NRXN3: variants seen among roughly 807,000 people sequenced by gnomAD.
NRXN3 encodes neurexin III.
NRXN3 carries 32 observed loss-of-function variants against 137.6 expected under a neutral mutation model. That is an observed-to-expected ratio of 0.23 (90% CI 0.18 to 0.31). The LOEUF (loss-of-function observed/expected upper bound fraction) is 0.31. NRXN3 is among the 10% of genes least tolerant of loss of function. The pLI, the probability that NRXN3 is intolerant of heterozygous loss-of-function variation, is 1.00. For synonymous variants in NRXN3, 798 were observed against 784.5 expected, an observed-to-expected ratio of 1.02 and a Z score of -0.29; for missense variants, 1,574 against 2,062.5, an observed-to-expected ratio of 0.76 and a Z score of 4.59.
At chr14:79,641,316 A>G (rs2098432859) in intron 16 of NRXN3, among the ~76,000 whole-genome samples, 1 of 135,104 alleles carries the variant, frequency 7.4e-6, no homozygotes. Flanking sequence ...CCTCTTCTTT[A>G]CTATAGAGTA....
intron 3 of NRXN3, 42 bp from the exon 4 acceptor site, chr14:78,297,789 T>C: frequency 7.3e-7 from 1 of 1,377,714 alleles, no homozygotes; most frequent in East Asian, 2.5e-5. Context: ...TTCCTTACCC[T>C]TCCCCACTCC....
chr14:79,762,006 C>T lies in NRXN3; in HGVS notation c.4015-43106C>T, dbSNP rs528414285. ...TCACTCTTGGGTGACTATAAATTCACAAAGTCAAGAATTTGCATCCTGAAT... is the reference window on the plus strand; with the variant it reads ...TCACTCTTGGGTGACTATAAATTCATAAAGTCAAGAATTTGCATCCTGAAT... On this transcript the variant is annotated intron_variant, in intron 19 of 20. Transcript: ENST00000335750. Among the ~76,000 whole-genome samples the T allele has an allele frequency of 7.3e-5, 11 of 151,714 alleles. No homozygotes were observed. In the East Asian group the frequency reaches 1.9e-3, roughly 27 times the overall value.
intron 4 of NRXN3, among the ~76,000 whole-genome samples, chr14:78,638,178 A>G (rs1307015612): frequency 6.6e-6 from 1 of 152,194 alleles, no homozygotes; most frequent in Non-Finnish European, 1.5e-5. Flanking sequence ...GCAGTGTGGA[A>G]AAGTCTATTT....
intron 7 of NRXN3, among the ~76,000 whole-genome samples, chr14:78,710,344 T>C (rs8016454): frequency 0.22 from 30,897 of 138,510 alleles, 4,068 homozygotes; most frequent in African/African-American, 0.4. Context: ...AGGCAGTACA[T>C]AGCTACTATG....
intron 16 of NRXN3, among the ~76,000 whole-genome samples, chr14:79,528,643 C>G (rs913260865): frequency 7.4e-6 from 1 of 135,726 alleles, no homozygotes; most frequent in African/African-American, 2.7e-5. Flanking sequence ...ACATTATGTT[C>G]TAAAATGTGT....
chr14:79,794,343 G>A (rs945472326), intron 19 of NRXN3, among the ~76,000 whole-genome samples: 2 of 151,924 alleles, frequency 1.3e-5, no homozygotes, highest in East Asian at 1.9e-4. Context: ...CAGCCTGGGC[G>A]ACAGAGTGAG....
At chr14:79,693,727 T>C (rs550069781) in intron 18 of NRXN3, among the ~76,000 whole-genome samples, 1 of 151,904 alleles carries the variant, frequency 6.6e-6, no homozygotes, top group East Asian at 1.9e-4. Context: ...TTGTTACCCG[T>C]TGGCTTTCAC....
At chr14:79,319,275 G>C (rs2089528400) in intron 15 of NRXN3, among the ~76,000 whole-genome samples, 1 of 152,146 alleles carries the variant, frequency 6.6e-6, no homozygotes. Context: ...AATTCTGACT[G>C]ATCATTTCTT....
At chr14:79,563,184 T>A (rs1421502992) in intron 16 of NRXN3, among the ~76,000 whole-genome samples, 4 of 152,190 alleles carry the variant, frequency 2.6e-5, no homozygotes, top group South Asian at 4.1e-4. Flanking sequence ...TAAATTCTTA[T>A]CCATAGAGAA....
intron 20 of NRXN3, among the ~76,000 whole-genome samples, chr14:79,842,021 A>G (rs2099356881): frequency 6.6e-6 from 1 of 152,256 alleles, no homozygotes; most frequent in Non-Finnish European, 1.5e-5. Flanking sequence ...ATTAGGAACT[A>G]TAGAGGACTG....
chr14:79,345,710 GT>G (rs751735278), intron 15 of NRXN3, among the ~76,000 whole-genome samples: 58 of 152,180 alleles, frequency 3.8e-4, no homozygotes, highest in Non-Finnish European at 6.8e-4. Flanking sequence ...TTAAAAGTGT[GT>G]GGCACCTCCC....
intron 15 of NRXN3, among the ~76,000 whole-genome samples, chr14:79,153,978 G>T (rs1157361387): frequency 1.3e-5 from 2 of 151,988 alleles, no homozygotes; most frequent in Admixed American, 1.3e-4. Flanking sequence ...AAGAAGCAGG[G>T]TCACGCAGGA....
At chr14:78,943,017 A>G (rs1333630285) in intron 10 of NRXN3, among the ~76,000 whole-genome samples, 1 of 152,176 alleles carries the variant, frequency 6.6e-6, no homozygotes, top group African/African-American at 2.4e-5. Context: ...CCTAGAGGAA[A>G]TTTGAAATAG....
At chr14:78,219,540 T>C (rs2063621575) in intron 1 of NRXN3, among the ~76,000 whole-genome samples, 1 of 152,222 alleles carries the variant, frequency 6.6e-6, no homozygotes, top group African/African-American at 2.4e-5. Context: ...GCCTCTTAGC[T>C]GTGTGACCTT....
intron 16 of NRXN3, among the ~76,000 whole-genome samples, chr14:79,565,666 T>C (rs1250817846): frequency 6.6e-6 from 1 of 152,014 alleles, no homozygotes; most frequent in African/African-American, 2.4e-5. Flanking sequence ...GGTTGAATTT[T>C]ACAAAATGGA....
At chr14:79,376,250 A>G (rs952745853) in intron 15 of NRXN3, among the ~76,000 whole-genome samples, 2 of 75,952 alleles carry the variant, frequency 2.6e-5, no homozygotes, top group Non-Finnish European at 6.2e-5. Flanking sequence ...ATATATATAT[A>G]TATATATATA....
intron 16 of NRXN3, among the ~76,000 whole-genome samples, chr14:79,622,314 A>T (rs559599024): frequency 3.9e-5 from 6 of 152,322 alleles, no homozygotes; most frequent in Non-Finnish European, 8.8e-5. Context: ...CTCAGAAGCA[A>T]GTAAAACCTG....
chr14:79,633,233 G>A (rs2153942327), intron 16 of NRXN3: 1 of 152,240 alleles, frequency 6.6e-6, no homozygotes, highest in Non-Finnish European at 1.5e-5. Flanking sequence ...CAAAATTTAA[G>A]CCATGCTTTG....
intron 15 of NRXN3, among the ~76,000 whole-genome samples, chr14:79,125,883 T>C (rs911267807): frequency 3.9e-5 from 6 of 152,180 alleles, no homozygotes; most frequent in Non-Finnish European, 4.4e-5. Flanking sequence ...TCAGAATTTT[T>C]CTTATTGCCA....
Sources: gnomAD v4.1 joint callset for allele counts (sites outside exome capture counted in the v4.1 genomes callset) on GRCh38, gnomAD v4.1.1 for gene constraint, MANE v1.5 for transcripts, NCBI Gene and HGNC (gene_info 2026-07-23, HGNC 2026-07-21) for gene names.